ZFYVE27: variants seen among roughly 807,000 people sequenced by gnomAD.
The protein encoded by ZFYVE27 is protrudin.
In ZFYVE27, 36 loss-of-function variants were observed where a neutral mutation model predicts 52.8. The observed-to-expected ratio is 0.68, with a 90% CI of 0.52 to 0.90. The LOEUF (loss-of-function observed/expected upper bound fraction) is 0.90, where lower values mean the gene tolerates loss of function less well. Among genes scored for constraint, ZFYVE27 ranks in the 40% least tolerant of loss-of-function variants. The pLI is 0.00. For missense variants in ZFYVE27, 450 were observed against 527.2 expected (o/e 0.85, Z 1.43); for synonymous variants, 223 against 215.6 (o/e 1.03, Z -0.30).
Position 97,750,422 on chromosome 10 carries a change from G to A in ZFYVE27, c.756G>A (p.Gly252=). The A allele has an allele frequency of 6.2e-7, 1 of 1,614,084 alleles. No individual in the cohort carries two copies. Among genetic ancestry groups the A allele is most frequent in the Non-Finnish European group, 8.5e-7 (1 of 1,179,968 alleles). Residue 252 remains glycine (G), a synonymous_variant, in exon 7 of 13, where the codon GGG becomes GGA. Transcript: ENST00000684270. ...AFESPPPPDV[G]GKDGLMDSTP... The stretch of plus-strand genomic sequence containing the variant: ...AGAGTCCTCCACCACCAGATGTTGG[G>A]GGGAAGGATGGTCTGATGGACAGCA...
At chr10:97,756,774 G>A (rs184563709) in intron 10 of ZFYVE27, among the ~76,000 whole-genome samples, 86 of 152,308 alleles carry the variant, frequency 5.6e-4, no homozygotes, top group African/African-American at 2.0e-3. Flanking sequence ...CTTGGAATGT[G>A]CCTGGCTCTG....
Position 97,742,851 on chromosome 10 carries a change from C to A in ZFYVE27, c.198-243C>A, listed in dbSNP as rs149626670. Among the ~76,000 whole-genome samples, 131 of 152,334 alleles carry A rather than the reference C, an allele frequency of 8.6e-4. 1 individual carries two copies. Among genetic ancestry groups the A allele is most frequent in the African/African-American group, 3.0e-3 (125 of 41,580 alleles). On this transcript the variant is annotated intron_variant, in intron 2 of 12. Transcript: ENST00000684270. ...TTTCTTAACTGATATTTTATAAATT[C>A]TTCTTCCTTTTGGGAGAAAGCACTA...
intron 4 of ZFYVE27, among the ~76,000 whole-genome samples, chr10:97,746,685 T>C (rs2045522090): frequency 6.6e-6 from 1 of 151,524 alleles, no homozygotes; most frequent in Admixed American, 6.6e-5. Flanking sequence ...TTTTCCTTTT[T>C]TCTTTTTTTT....
rs571378786 is a variant in ZFYVE27 at position 97,760,793 on chromosome 10, T to C, written c.*1493T>C. On this transcript the variant is annotated 3_prime_UTR_variant, in exon 13 of 13. Coordinates refer to ENST00000684270, the MANE Select transcript of ZFYVE27 (RefSeq NM_001385875.1). ...GTATCGTATCGCCTCTGTGTCCTTT[T>C]AAGAGAGGAGAGTTCAGTACCCCGT... The C allele has an allele frequency of 6.6e-6, 1 of 152,392 alleles. No homozygotes were observed. The highest frequency in any genetic ancestry group is 1.9e-4 in the East Asian group (1 of 5,182). The allele number at this position is 152,392 out of a possible 1,614,324, so 9.4% of individuals were successfully genotyped here.
intron 3 of ZFYVE27, 150 bp from the exon 4 acceptor site, chr10:97,744,579 A>AG (rs1256842271): frequency 9.4e-6 from 8 of 846,838 alleles, no homozygotes; most frequent in Non-Finnish European, 5.7e-6. Flanking sequence ...GCTGGAGAGT[A>AG]GGGGTGAGAC....
At chr10:97,746,862 C>T (rs1243554650) in intron 4 of ZFYVE27, among the ~76,000 whole-genome samples, 1 of 151,810 alleles carries the variant, frequency 6.6e-6, no homozygotes, top group African/African-American at 2.4e-5. Flanking sequence ...CTAATTAAAA[C>T]AATTTTTTTG....
intron 10 of ZFYVE27, chr10:97,754,700 T>C: frequency 7.8e-7 from 1 of 1,289,426 alleles, no homozygotes; most frequent in Non-Finnish European, 1.0e-6. Flanking sequence ...CTTGCACATG[T>C]GTGATCTCAT....
intron 11 of ZFYVE27, 124 bp downstream of exon 11, chr10:97,757,435 T>G: frequency 7.0e-7 from 1 of 1,431,004 alleles, no homozygotes. Flanking sequence ...AGTGGCTTTC[T>G]GGAGTGAGTG....
intron 1 of ZFYVE27, among the ~76,000 whole-genome samples, chr10:97,737,694 G>C (rs993272083): frequency 6.6e-6 from 1 of 152,204 alleles, no homozygotes; most frequent in Admixed American, 6.5e-5. Flanking sequence ...CCGCCCCCTC[G>C]TTTGCTGCTT....
Position 97,751,384 on chromosome 10 carries a change from T to A in ZFYVE27, c.805-7T>A. ...TTCTCCTTCTGTCATAGAGTCTCTC[T>A]TCCCAGGACCTCACACCGGGCAGCG... On this transcript the variant is annotated splice_region_variant and splice_polypyrimidine_tract_variant and intron_variant, in intron 7 of 12. Transcript: ENST00000684270. 1 of 1,613,444 alleles carries A rather than the reference T, an allele frequency of 6.2e-7. No individual in the cohort carries two copies. The highest frequency in any genetic ancestry group is 8.5e-7 in the Non-Finnish European group (1 of 1,179,560).
intron 8 of ZFYVE27, among the ~76,000 whole-genome samples, 183 bp downstream of exon 8, chr10:97,751,645 T>C (rs529754255): frequency 4.6e-5 from 7 of 152,296 alleles, no homozygotes; most frequent in African/African-American, 1.7e-4. Context: ...TTGAGCCAGC[T>C]GTCCTGGGTG....
chr10:97,741,714 TAAC>T (rs1245691719), intron 2 of ZFYVE27, among the ~76,000 whole-genome samples: 2 of 152,182 alleles, frequency 1.3e-5, no homozygotes, highest in African/African-American at 4.8e-5. Flanking sequence ...TATACCTACG[TAAC>T]AAACCTGCAC....
chr10:97,740,746 T>C (rs2135941171), intron 2 of ZFYVE27, among the ~76,000 whole-genome samples: 1 of 152,234 alleles, frequency 6.6e-6, no homozygotes, highest in East Asian at 1.9e-4. Flanking sequence ...TCACGTTAGT[T>C]TGTGCTTTTG....
Position 97,739,603 on chromosome 10 carries a change from G to A in ZFYVE27, c.197+929G>A, listed in dbSNP as rs375467018. Among the ~76,000 whole-genome samples the A allele has an allele frequency of 2.2e-4, 33 of 152,228 alleles. 1 individual carries two copies. The highest frequency in any genetic ancestry group is 7.9e-4 in the African/African-American group (33 of 41,538). ...TACCTAACAAAATTAATAACTCCTTGATATCATCCTATACTCAGTTCATAT... is the reference window on the plus strand; with the variant it reads ...TACCTAACAAAATTAATAACTCCTTAATATCATCCTATACTCAGTTCATAT... On this transcript the variant is annotated intron_variant, in intron 2 of 12. Transcript: ENST00000684270.
intron 2 of ZFYVE27, among the ~76,000 whole-genome samples, chr10:97,742,800 A>T (rs1006178299): frequency 3.9e-5 from 6 of 152,228 alleles, no homozygotes; most frequent in Admixed American, 2.6e-4. Flanking sequence ...ACCTTACAAA[A>T]CACAGGTTAA....
intron 7 of ZFYVE27, among the ~76,000 whole-genome samples, chr10:97,750,924 G>A (rs1452704263): frequency 6.6e-6 from 1 of 151,934 alleles, no homozygotes; most frequent in African/African-American, 2.4e-5. Context: ...TGTATTTTTA[G>A]TAAAGATGAG....
chr10:97,739,083 C>A (rs1448999379), intron 2 of ZFYVE27, among the ~76,000 whole-genome samples: 1 of 142,166 alleles, frequency 7.0e-6, no homozygotes, highest in Non-Finnish European at 1.5e-5. Context: ...TGTGAATAAG[C>A]AGATACCATT....
Position 97,759,321 on chromosome 10 carries a change from C to A in ZFYVE27, c.*21C>A. On this transcript the variant is annotated 3_prime_UTR_variant, in exon 13 of 13. Coordinates refer to ENST00000684270, the MANE Select transcript of ZFYVE27 (RefSeq NM_001385875.1). ...AGTGAGAAGAGAGGCCAGGGTCCAA[C>A]CAGGCACCCGTCCTTGGGACCAGCA... 1 of 1,614,064 alleles carries A rather than the reference C, an allele frequency of 6.2e-7. No homozygotes were observed. The highest frequency in any genetic ancestry group is 8.5e-7 in the Non-Finnish European group (1 of 1,179,938).
chr10:97,744,751 C>A lies in ZFYVE27; in HGVS notation c.291C>A (p.Ala97=). 6.2e-7 allele frequency: 1 copy of A among 1,613,838 alleles called. No homozygotes were observed. Among genetic ancestry groups the A allele is most frequent in the Non-Finnish European group, 8.5e-7 (1 of 1,180,030 alleles). The part of the protein sequence containing the change: ...LNEGAWYSVG[A]LMISVPALLG... ...CAGGTGCATGGTACTCAGTAGGTGC[C>A]CTGATGATTTCAGTGCCCGCCCTGC... The change falls in exon 4 of 13, where the codon GCC becomes GCA. Residue 97 remains alanine (A), a synonymous_variant. Transcript: ENST00000684270.
Sources: allele counts gnomAD v4.1 joint callset (sites outside exome capture counted in the v4.1 genomes callset), GRCh38; gene constraint gnomAD v4.1.1; transcripts MANE v1.5; gene names NCBI Gene and HGNC (gene_info 2026-07-23, HGNC 2026-07-21).